Variants in ATRN observed in about 807,000 individuals in gnomAD.
ATRN encodes attractin-2.
A neutral mutation model predicts 178.7 loss-of-function variants in ATRN; 54 were observed. The ratio of observed to expected loss-of-function variants is 0.30; its 90% CI spans 0.24 to 0.38. ATRN has a LOEUF of 0.38. ATRN is among the 10% of genes least tolerant of loss of function. The pLI, the probability that ATRN is intolerant of heterozygous loss-of-function variation, is 1.00. For missense variants in ATRN, 1,443 were observed against 1,815.1 expected, an observed-to-expected ratio of 0.79 and a Z score of 3.73; for synonymous variants, 636 against 663.0, an observed-to-expected ratio of 0.96 and a Z score of 0.63.
chr20:3,581,191 G>T (rs73074626), intron 15 of ATRN, among the ~76,000 whole-genome samples: 15,774 of 152,258 alleles, frequency 0.1, 1,115 homozygotes, highest in Non-Finnish European at 0.15. Context: ...GTTTGAGGCT[G>T]TAGTGAGCCA....
rs1240748202 is a variant in ATRN at position 3,595,011 on chromosome 20, C to A, written c.3416+439C>A. ...CTCTTACCTTTAACATTTCCCATTA[C>A]TCTAGCATTTTCCTTGTTGAAGCAT... On this transcript the variant is annotated intron_variant, in intron 20 of 28. Transcript: ENST00000262919. 2.9e-4 allele frequency among the ~76,000 whole-genome samples: 44 copies of A among 152,202 alleles called. 1 individual carries two copies. Among genetic ancestry groups the A allele is most frequent in the Admixed American group, 2.9e-3 (44 of 15,282 alleles).
intron 6 of ATRN, among the ~76,000 whole-genome samples, chr20:3,555,630 C>T (rs1241823887): frequency 6.6e-6 from 1 of 152,188 alleles, no homozygotes; most frequent in Non-Finnish European, 1.5e-5. Context: ...TGAGCCCCAA[C>T]ATTTCCTTAG....
intron 11 of ATRN, among the ~76,000 whole-genome samples, chr20:3,568,272 A>G (rs2086066743): frequency 6.6e-6 from 1 of 151,752 alleles, no homozygotes. Flanking sequence ...AGCCTGGGCA[A>G]CAGAGCGAGA....
chr20:3,641,701 C>G (rs950229645), intron 27 of ATRN, among the ~76,000 whole-genome samples: 1 of 147,216 alleles, frequency 6.8e-6, no homozygotes, highest in African/African-American at 2.5e-5. Flanking sequence ...CTTTGAAGTA[C>G]TGAAAGAAAC....
At chr20:3,491,004 A>G (rs1418083504) in intron 1 of ATRN, 8 of 1,481,350 alleles carry the variant, frequency 5.4e-6, no homozygotes, top group Non-Finnish European at 6.6e-6. Context: ...TATTGTCTCC[A>G]TCTTCCTTTA....
intron 1 of ATRN, among the ~76,000 whole-genome samples, chr20:3,521,267 A>T (rs2085291902): frequency 6.6e-6 from 1 of 152,140 alleles, no homozygotes. Context: ...TTGTACATCA[A>T]ACCTCGGCAA....
At chr20:3,514,929 C>A (rs1257747559) in intron 1 of ATRN, among the ~76,000 whole-genome samples, 1 of 152,106 alleles carries the variant, frequency 6.6e-6, no homozygotes, top group African/African-American at 2.4e-5. Context: ...TGCATTCCAG[C>A]CTTGGTGACA....
chr20:3,646,330 C>T (rs2087107677), intron 28 of ATRN, among the ~76,000 whole-genome samples: 1 of 152,146 alleles, frequency 6.6e-6, no homozygotes, highest in Non-Finnish European at 1.5e-5. Flanking sequence ...AGAAATTGGG[C>T]ACTTAGCACA....
At chr20:3,481,291 T>G (rs1000238448) in intron 1 of ATRN, among the ~76,000 whole-genome samples, 4 of 152,188 alleles carry the variant, frequency 2.6e-5, no homozygotes, top group African/African-American at 7.2e-5. Context: ...TGGTTCGATA[T>G]CCTTTCAATT....
intron 27 of ATRN, among the ~76,000 whole-genome samples, chr20:3,640,738 T>C (rs2087061303): frequency 6.6e-6 from 1 of 152,202 alleles, no homozygotes; most frequent in Non-Finnish European, 1.5e-5. Flanking sequence ...AGTAGAATTA[T>C]ATATGATCTG....
chr20:3,497,348 G>T (rs1254352678), intron 1 of ATRN, among the ~76,000 whole-genome samples: 1 of 151,896 alleles, frequency 6.6e-6, no homozygotes, highest in African/African-American at 2.4e-5. Flanking sequence ...CTCTTTTAGG[G>T]CAGGCCTGGT....
At chr20:3,607,061 A>T (rs900971641) in intron 24 of ATRN, among the ~76,000 whole-genome samples, 13 of 151,794 alleles carry the variant, frequency 8.6e-5, no homozygotes, top group African/African-American at 2.9e-4. Flanking sequence ...CCTTTTTAAT[A>T]TTTTTTCTAG....
chr20:3,627,954 C>T (rs1429205421), intron 25 of ATRN, among the ~76,000 whole-genome samples: 3 of 152,094 alleles, frequency 2.0e-5, no homozygotes, highest in African/African-American at 2.4e-5. Flanking sequence ...GGGTGGATCA[C>T]GAGGTCAGGA....
intron 1 of ATRN, among the ~76,000 whole-genome samples, chr20:3,476,109 C>G (rs1231711784): frequency 6.6e-6 from 1 of 152,194 alleles, no homozygotes; most frequent in African/African-American, 2.4e-5. Flanking sequence ...CATGCCACTG[C>G]ATTCCATCCT....
chr20:3,490,367 C>G (rs748858010), intron 1 of ATRN: 2 of 991,340 alleles, frequency 2.0e-6, no homozygotes, highest in Non-Finnish European at 3.3e-6. Flanking sequence ...CATTTCTTCT[C>G]AAACTCAGCC....
At chr20:3,544,617 C>G (rs980887242) in intron 3 of ATRN, among the ~76,000 whole-genome samples, 1 of 152,092 alleles carries the variant, frequency 6.6e-6, no homozygotes, top group Non-Finnish European at 1.5e-5. Flanking sequence ...AAAAAGAACT[C>G]AGAACCACAA....
intron 16 of ATRN, 47 bp from the exon 17 acceptor site, chr20:3,583,851 C>T (rs749870918): frequency 5.2e-6 from 8 of 1,542,512 alleles, no homozygotes; most frequent in South Asian, 2.3e-5. Context: ...TTGACCTTAG[C>T]GGACATGGTG....
intron 1 of ATRN, chr20:3,490,565 C>T (rs1476893020): frequency 2.0e-5 from 21 of 1,065,558 alleles, no homozygotes; most frequent in South Asian, 5.0e-5. Context: ...GATGCCTTCA[C>T]GTTAATGTAC....
At chr20:3,568,629 T>C (rs2086072594) in intron 11 of ATRN, among the ~76,000 whole-genome samples, 1 of 152,260 alleles carries the variant, frequency 6.6e-6, no homozygotes, top group Non-Finnish European at 1.5e-5. Context: ...TACAGGGTTA[T>C]GTTTCTATAA....
Sources: gnomAD v4.1 joint callset for allele counts (sites outside exome capture counted in the v4.1 genomes callset) on GRCh38, gnomAD v4.1.1 for gene constraint, MANE v1.5 for transcripts, NCBI Gene and HGNC (gene_info 2026-07-23, HGNC 2026-07-21) for gene names.